Variants in CDH18 observed in about 807,000 individuals in gnomAD.
The protein encoded by CDH18 is cadherin-18.
Under a neutral mutation model 67.9 loss-of-function variants are expected in CDH18, and 31 were observed. The observed-to-expected ratio is 0.46, with a 90% CI of 0.34 to 0.62. The LOEUF (loss-of-function observed/expected upper bound fraction) is 0.62, where lower values mean the gene tolerates loss of function less well. Ranked by LOEUF, CDH18 falls within the 20% of genes least tolerant of loss-of-function variation. The pLI, the probability that CDH18 is intolerant of heterozygous loss-of-function variation, is 0.01. For missense variants in CDH18, 890 were observed against 975.5 expected (o/e 0.91, Z 1.17); for synonymous variants, 362 against 347.2 (o/e 1.04, Z -0.48).
intron 2 of CDH18, among the ~76,000 whole-genome samples, chr5:19,839,813 C>T (rs1365616988): frequency 6.6e-6 from 1 of 152,026 alleles, no homozygotes; most frequent in African/African-American, 2.4e-5. Flanking sequence ...GAACTTCACA[C>T]ACAGACAAGG....
chr5:20,452,907 A>G (rs1224869482), intron 1 of CDH18, among the ~76,000 whole-genome samples: 2 of 152,196 alleles, frequency 1.3e-5, no homozygotes, highest in Non-Finnish European at 2.9e-5. Flanking sequence ...TTATATGTGT[A>G]TATTAACTTA....
At chr5:20,410,927 A>T (rs1236359290) in intron 1 of CDH18, among the ~76,000 whole-genome samples, 2 of 151,926 alleles carry the variant, frequency 1.3e-5, no homozygotes, top group Admixed American at 1.3e-4. Flanking sequence ...AAAACTAAAA[A>T]CTACAGAACA....
chr5:19,531,964 G>C (rs984972434), intron 9 of CDH18, among the ~76,000 whole-genome samples: 2 of 152,114 alleles, frequency 1.3e-5, no homozygotes, highest in African/African-American at 4.8e-5. Context: ...TTGGAGGTGA[G>C]AGAAGAGAAA....
At chr5:20,545,379 T>C (rs896017095) in intron 1 of CDH18, among the ~76,000 whole-genome samples, 2 of 152,208 alleles carry the variant, frequency 1.3e-5, no homozygotes, top group Admixed American at 6.5e-5. Context: ...ACATTTTCCC[T>C]CTGCATTGCC....
At chr5:19,841,160 T>C (rs1157894057) in intron 2 of CDH18, among the ~76,000 whole-genome samples, 2 of 152,194 alleles carry the variant, frequency 1.3e-5, no homozygotes, top group Non-Finnish European at 2.9e-5. Flanking sequence ...GTGCAACAAT[T>C]GTGTAGGATT....
intron 3 of CDH18, chr5:19,803,803 T>C (rs1481308012): frequency 6.6e-6 from 1 of 152,108 alleles, no homozygotes; most frequent in Non-Finnish European, 1.5e-5. Context: ...CTAGAAATGA[T>C]TGATAAACTA....
chr5:19,993,552 C>T (rs1294709151), intron 2 of CDH18, among the ~76,000 whole-genome samples: 3 of 152,028 alleles, frequency 2.0e-5, no homozygotes, highest in Non-Finnish European at 4.4e-5. Context: ...TCTAACTCCT[C>T]TATTTTCCTC....
chr5:19,950,740 A>T (rs926803507), intron 2 of CDH18, among the ~76,000 whole-genome samples: 1 of 152,136 alleles, frequency 6.6e-6, no homozygotes, highest in African/African-American at 2.4e-5. Flanking sequence ...CTAACCACAA[A>T]TAGCTATTGA....
chr5:20,542,751 T>C (rs565450650), intron 1 of CDH18, among the ~76,000 whole-genome samples: 9 of 152,200 alleles, frequency 5.9e-5, no homozygotes, highest in Admixed American at 1.3e-4. Flanking sequence ...TCCAATATTA[T>C]ATTCTAACTC....
At chr5:20,336,060 G>T (rs1357570453) in intron 1 of CDH18, among the ~76,000 whole-genome samples, 3 of 152,132 alleles carry the variant, frequency 2.0e-5, no homozygotes, top group African/African-American at 4.8e-5. Flanking sequence ...AGCTGGTTGG[G>T]CAGATAGGGA....
At chr5:19,674,137 T>A (rs1175458594) in intron 5 of CDH18, among the ~76,000 whole-genome samples, 3 of 152,070 alleles carry the variant, frequency 2.0e-5, no homozygotes, top group Non-Finnish European at 2.9e-5. Context: ...GTTAGTGAAT[T>A]TGGTGAGGAA....
intron 3 of CDH18, among the ~76,000 whole-genome samples, chr5:19,783,160 A>G (rs1775325003): frequency 6.6e-6 from 1 of 152,198 alleles, no homozygotes; most frequent in South Asian, 2.1e-4. Context: ...TCCATGTGTC[A>G]CAATTAGAAA....
chr5:19,609,971 G>C (rs953815458), intron 6 of CDH18, among the ~76,000 whole-genome samples: 1 of 152,052 alleles, frequency 6.6e-6, no homozygotes, highest in African/African-American at 2.4e-5. Flanking sequence ...TGTTTAATAA[G>C]CTGCAATTTA....
At chr5:20,296,249 T>C (rs1381592410) in intron 1 of CDH18, among the ~76,000 whole-genome samples, 1 of 150,542 alleles carries the variant, frequency 6.6e-6, no homozygotes, top group African/African-American at 2.4e-5. Flanking sequence ...TGTTTGTTTG[T>C]TTTTGTTTTT....
chr5:19,739,655 C>T (rs1319675762), intron 4 of CDH18, among the ~76,000 whole-genome samples: 1 of 152,156 alleles, frequency 6.6e-6, no homozygotes, highest in Non-Finnish European at 1.5e-5. Context: ...AATTATGAAA[C>T]TTGCAAAATT....
At chr5:20,421,343 AC>A (rs139107709) in intron 1 of CDH18, among the ~76,000 whole-genome samples, 2 of 147,354 alleles carry the variant, frequency 1.4e-5, no homozygotes, top group East Asian at 3.9e-4. Context: ...AACCTTGATG[AC>A]GATTGAGAAA....
chr5:20,196,152 T>C (rs554435585), intron 2 of CDH18, among the ~76,000 whole-genome samples: 10 of 152,266 alleles, frequency 6.6e-5, no homozygotes, highest in African/African-American at 2.4e-4. Context: ...CATTTTTTAT[T>C]TGTTTGTTTT....
At chr5:19,681,220 A>G (rs1374586432) in intron 5 of CDH18, among the ~76,000 whole-genome samples, 1 of 151,954 alleles carries the variant, frequency 6.6e-6, no homozygotes, top group Non-Finnish European at 1.5e-5. Flanking sequence ...TGGGGTACAC[A>G]CGAACACATG....
chr5:19,923,329 C>A (rs991011454), intron 2 of CDH18, among the ~76,000 whole-genome samples: 5 of 152,140 alleles, frequency 3.3e-5, no homozygotes, highest in African/African-American at 1.2e-4. Context: ...GAAACAGAGA[C>A]AAGTTATCCT....
Sources: gnomAD v4.1 joint callset for allele counts (sites outside exome capture counted in the v4.1 genomes callset) on GRCh38, gnomAD v4.1.1 for gene constraint, MANE v1.5 for transcripts, NCBI Gene and HGNC (gene_info 2026-07-23, HGNC 2026-07-21) for gene names.